Variants in FGF13 observed in about 807,000 individuals in gnomAD.
The protein encoded by FGF13 is fibroblast growth factor 13.
Under a neutral mutation model 19.5 loss-of-function variants are expected in FGF13, and 2 were observed. The observed-to-expected ratio is 0.10, with a 90% CI of 0.04 to 0.32. The LOEUF is 0.32. Among genes scored for constraint, FGF13 ranks in the 10% least tolerant of loss-of-function variants. FGF13 has a pLI of 1.00. For missense variants in FGF13, 113 were observed against 192.7 expected (o/e 0.59, Z 2.45); for synonymous variants, 72 against 76.9 (o/e 0.94, Z 0.33).
intron 3 of FGF13, among the ~76,000 whole-genome samples, chrX:138,640,276 C>T (rs2089234829): frequency 8.9e-6 from 1 of 111,766 alleles, no homozygotes; most frequent in African/African-American, 3.3e-5. Context: ...CTTCTCAGGG[C>T]ATATTAAGAC....
At chrX:139,101,736 T>C (rs1458845524) in intron 1 of FGF13, among the ~76,000 whole-genome samples, 2 of 112,445 alleles carry the variant, frequency 1.8e-5, no homozygotes, top group Non-Finnish European at 3.7e-5. Flanking sequence ...TGTCCTTGCC[T>C]TTCCCTTTGA....
intron 1 of FGF13, among the ~76,000 whole-genome samples, chrX:139,100,622 G>A (rs7888266): frequency 1.8e-5 from 2 of 110,910 alleles, no homozygotes; most frequent in African/African-American, 3.3e-5. Context: ...GATAAAAAGC[G>A]TTTTTCCTTT....
intron 1 of FGF13, among the ~76,000 whole-genome samples, chrX:139,162,478 C>T (rs187115082): frequency 2.6e-4 from 29 of 111,972 alleles, no homozygotes; most frequent in African/African-American, 6.8e-4. Context: ...GACATAGGCA[C>T]GGGCAAAGAT....
chrX:138,722,796 A>G lies in FGF13; in HGVS notation c.29-13868T>C, dbSNP rs146579053. 2.4e-3 allele frequency among the ~76,000 whole-genome samples: 267 copies of G among 111,607 alleles called. 3 individuals carry two copies. Among genetic ancestry groups the G allele is most frequent in the Non-Finnish European group, 4.3e-3 (227 of 53,068 alleles). ...AAAAATATAACCTTTCCCACTCTGTAGTTTCTTTACAGGGTATAAAATAGA... is the reference window on the plus strand; with the variant it reads ...AAAAATATAACCTTTCCCACTCTGTGGTTTCTTTACAGGGTATAAAATAGA... On this transcript the variant is annotated intron_variant, in intron 1 of 4. Transcript: ENST00000305414.
intron 1 of FGF13, among the ~76,000 whole-genome samples, chrX:138,869,403 G>A (rs1027637955): frequency 3.6e-5 from 4 of 112,548 alleles, no homozygotes; most frequent in African/African-American, 1.3e-4. Context: ...GAGAGTAGTA[G>A]CAAAAGCAGG....
At chrX:138,954,445 G>A (rs1310554445) in intron 1 of FGF13, among the ~76,000 whole-genome samples, 2 of 111,324 alleles carry the variant, frequency 1.8e-5, no homozygotes, top group South Asian at 3.8e-4. Context: ...CAGTTGTGTG[G>A]CCTTAGGTAA....
At chrX:138,744,299 A>G (rs1360656180), upstream of FGF13, among the ~76,000 whole-genome samples, 1 of 111,460 alleles carries the variant, frequency 9.0e-6, no homozygotes, top group East Asian at 2.9e-4. Flanking sequence ...ATCCTAGTCA[A>G]GCACCATTGA....
chrX:138,816,707 A>C (rs1309555115), intron 3 of FGF13, among the ~76,000 whole-genome samples: 1 of 112,765 alleles, frequency 8.9e-6, no homozygotes, highest in Non-Finnish European at 1.9e-5. Context: ...ACAGCTTCGA[A>C]TGTGGCCCAA....
intron 3 of FGF13, among the ~76,000 whole-genome samples, chrX:138,835,570 C>G (rs1380286172): frequency 8.9e-6 from 1 of 111,883 alleles, no homozygotes; most frequent in Non-Finnish European, 1.9e-5. Flanking sequence ...TGAGATAGTT[C>G]TCTTGAAGAC....
intron 1 of FGF13, among the ~76,000 whole-genome samples, chrX:138,984,588 A>AAGAAGAAGAAGAAGAAGAAGAAGAAGG (rs2091982501): frequency 8.7e-5 from 1 of 11,507 alleles, no homozygotes; most frequent in Non-Finnish European, 1.9e-4. Flanking sequence ...GAAGAAGAAG[A>AAGAAGAAGAAGAAGAAGAAGAAGAAGG]AGGAGGAGGA....
chrX:138,741,888 G>A (rs998103330), upstream of FGF13, among the ~76,000 whole-genome samples: 1 of 111,661 alleles, frequency 9.0e-6, no homozygotes, highest in Non-Finnish European at 1.9e-5. Context: ...GAGGACTAAG[G>A]TCACCCCATC....
At chrX:139,196,222 G>A (rs2084369626) in intron 1 of FGF13, among the ~76,000 whole-genome samples, 1 of 112,168 alleles carries the variant, frequency 8.9e-6, no homozygotes, top group East Asian at 2.8e-4. Context: ...TTAAGAGGAT[G>A]TATAATCTTG....
intron 1 of FGF13, among the ~76,000 whole-genome samples, chrX:139,160,129 TAACA>T (rs1446213940): frequency 3.6e-5 from 4 of 111,824 alleles, no homozygotes; most frequent in African/African-American, 1.3e-4. Context: ...ATGGAAATCA[TAACA>T]AACAGTCTCT....
At chrX:138,887,439 T>C (rs1022351952) in intron 1 of FGF13, among the ~76,000 whole-genome samples, 4 of 111,698 alleles carry the variant, frequency 3.6e-5, no homozygotes, top group Non-Finnish European at 5.6e-5. Flanking sequence ...CAAGTCATCA[T>C]GGATGTAACT....
chrX:138,645,377 C>T (rs1220694228), intron 3 of FGF13, among the ~76,000 whole-genome samples: 3 of 112,056 alleles, frequency 2.7e-5, no homozygotes, highest in Non-Finnish European at 5.6e-5. Flanking sequence ...GCAACTTCAA[C>T]GTTTGCTGAA....
intron 3 of FGF13, among the ~76,000 whole-genome samples, chrX:138,832,876 A>G (rs61940174): frequency 8.9e-6 from 1 of 112,307 alleles, no homozygotes; most frequent in South Asian, 3.7e-4. Flanking sequence ...AAACTTCTGC[A>G]TATGGCTAGT....
intron 1 of FGF13, among the ~76,000 whole-genome samples, chrX:139,163,422 T>C (rs1316148226): frequency 2.7e-5 from 3 of 110,664 alleles, no homozygotes; most frequent in Non-Finnish European, 5.7e-5. Flanking sequence ...GGGATAGCAT[T>C]AGGAGAAATA....
At chrX:139,003,664 A>G (rs1030415874) in intron 1 of FGF13, among the ~76,000 whole-genome samples, 4 of 111,032 alleles carry the variant, frequency 3.6e-5, no homozygotes, top group Non-Finnish European at 7.5e-5. Context: ...TCACCAGAGC[A>G]GCTAGATACA....
rs2089099321 is a variant in FGF13, at chrX:138,629,932, G to C, written c.*2918C>G. Reference sequence around the variant, plus strand: ...AGTGTTTCCCACAACTATTTGACTAGAGTCTTTTTTTCTTTCATCAGTTAT... The same window carrying C: ...AGTGTTTCCCACAACTATTTGACTACAGTCTTTTTTTCTTTCATCAGTTAT... On this transcript the variant is annotated 3_prime_UTR_variant, in exon 5 of 5. Coordinates refer to ENST00000315930, the MANE Select transcript of FGF13 (RefSeq NM_004114.5). 9.0e-6 allele frequency: 1 copy of C among 111,172 alleles called. No individual in the cohort carries two copies. Among genetic ancestry groups the C allele is most frequent in the Non-Finnish European group, 1.9e-5 (1 of 53,099 alleles). 9.2% of individuals were successfully genotyped at this position (111,172 alleles called of 1,213,427 possible).
Sources: allele counts gnomAD v4.1 joint callset (sites outside exome capture counted in the v4.1 genomes callset), GRCh38; gene constraint gnomAD v4.1.1; transcripts MANE v1.5; gene names NCBI Gene and HGNC (gene_info 2026-07-23, HGNC 2026-07-21).